ABLIM2: variants seen among roughly 807,000 people sequenced by gnomAD.
ABLIM2 encodes actin-binding LIM protein 2.
ABLIM2 carries 53 observed loss-of-function variants against 97.7 expected under a neutral mutation model. That is an observed-to-expected ratio of 0.54 (90% confidence interval 0.44 to 0.68). The LOEUF is 0.68. Among genes scored for constraint, ABLIM2 ranks in the 30% least tolerant of loss-of-function variants. ABLIM2 has a pLI of 0.00. For synonymous variants in ABLIM2, 361 were observed against 345.8 expected, an observed-to-expected ratio of 1.04 and a Z score of -0.49; for missense variants, 835 against 867.2, an observed-to-expected ratio of 0.96 and a Z score of 0.47.
rs924838594 is a variant in ABLIM2 at position 8,087,053 on chromosome 4, G to T, written c.454+1116C>A. Among the ~76,000 whole-genome samples the T allele has an allele frequency of 1.3e-5, 2 of 152,172 alleles. No homozygotes were observed. The highest frequency in any genetic ancestry group is 4.8e-5 in the African/African-American group (2 of 41,438). On this transcript the variant is annotated intron_variant, in intron 4 of 20. Coordinates refer to ENST00000447017, the MANE Select transcript of ABLIM2 (RefSeq NM_001130083.2). This position sits in a 1 kb window ranked among gnomAD's most constrained non-coding sequence, Gnocchi z 4.6. ...CTGGAAGTGGAATCGCCTCTGTAGA[G>T]ACTCTCAACGCAGCAGACAAGGTGG...
chr4:7,977,319 C>G (rs1734286527), intron 20 of ABLIM2, among the ~76,000 whole-genome samples: 1 of 151,930 alleles, frequency 6.6e-6, no homozygotes, highest in Non-Finnish European at 1.5e-5. Context: ...AATACCCAGT[C>G]TCGGGTATTT....
intron 1 of ABLIM2, among the ~76,000 whole-genome samples, chr4:8,156,992 C>A (rs759088705): frequency 6.6e-6 from 1 of 152,184 alleles, no homozygotes; most frequent in Non-Finnish European, 1.5e-5. Context: ...AGCTGGCCAC[C>A]CAGCAATGAC....
chr4:8,048,300 C>T (rs1212695542), intron 8 of ABLIM2, among the ~76,000 whole-genome samples: 2 of 152,240 alleles, frequency 1.3e-5, no homozygotes, highest in Non-Finnish European at 2.9e-5. Context: ...TCCATATGTT[C>T]TCCCAGGCCC....
intron 14 of ABLIM2, among the ~76,000 whole-genome samples, chr4:8,013,598 C>T (rs1190982983): frequency 4.6e-5 from 7 of 152,164 alleles, no homozygotes; most frequent in South Asian, 2.1e-4. Flanking sequence ...ATGAGGAGAC[C>T]GAGGTCCGGA....
chr4:7,990,147 C>T (rs913942476), intron 17 of ABLIM2, among the ~76,000 whole-genome samples: 1 of 152,182 alleles, frequency 6.6e-6, no homozygotes, highest in African/African-American at 2.4e-5. Context: ...ATGATTGCCT[C>T]TATGCCTTGG....
At chr4:8,158,388 AC>A (rs1045470434) in intron 1 of ABLIM2, among the ~76,000 whole-genome samples, 5 of 151,666 alleles carry the variant, frequency 3.3e-5, no homozygotes, top group Non-Finnish European at 5.9e-5. Context: ...AACAACCCGG[AC>A]CCCCGTGAGA....
chr4:8,121,244 A>T lies in ABLIM2; in HGVS notation c.11-14607T>A, dbSNP rs1408714144. 9.9e-5 allele frequency among the ~76,000 whole-genome samples: 15 copies of T among 152,208 alleles called. 1 individual carries two copies. Among genetic ancestry groups the T allele is most frequent in the Admixed American group, 9.2e-4 (14 of 15,280 alleles). On this transcript the variant is annotated intron_variant, in intron 1 of 20. Coordinates refer to ENST00000447017, the MANE Select transcript of ABLIM2 (RefSeq NM_001130083.2). Reference sequence around the variant, plus strand: ...GCTGGCAGGAGTTTGTGTGAGTGTCAGGTGGGGGCTTCCTTCCAGGGGCAG... The same window carrying T: ...GCTGGCAGGAGTTTGTGTGAGTGTCTGGTGGGGGCTTCCTTCCAGGGGCAG...
chr4:8,100,438 G>A (rs1418018919), intron 2 of ABLIM2, among the ~76,000 whole-genome samples: 1 of 152,114 alleles, frequency 6.6e-6, no homozygotes, highest in Non-Finnish European at 1.5e-5. Context: ...ATCTTGCATG[G>A]TGGCTGTAAG....
At chr4:7,993,464 A>G (rs1317925935) in intron 16 of ABLIM2, among the ~76,000 whole-genome samples, 1 of 152,162 alleles carries the variant, frequency 6.6e-6, no homozygotes. Flanking sequence ...TGGGAAAATC[A>G]CTTGAGGCCA....
At chr4:8,131,730 CCGCA>C (rs1849429685) in intron 1 of ABLIM2, among the ~76,000 whole-genome samples, 5 of 94,760 alleles carry the variant, frequency 5.3e-5, no homozygotes, top group Admixed American at 3.9e-4. Flanking sequence ...GCACAGCAGC[CCGCA>C]TCCCCAGCAC....
chr4:8,101,585 T>C (rs566555010), intron 2 of ABLIM2, among the ~76,000 whole-genome samples: 52 of 152,322 alleles, frequency 3.4e-4, no homozygotes, highest in African/African-American at 1.2e-3. Flanking sequence ...CTGCCTTACA[T>C]GCGCAGCTCA....
chr4:8,051,274 C>T (rs150039080), intron 8 of ABLIM2, among the ~76,000 whole-genome samples: 46 of 152,220 alleles, frequency 3.0e-4, no homozygotes, highest in African/African-American at 9.6e-4. Context: ...AGGGGCCGGG[C>T]GTGGTAGCTC....
chr4:8,157,904 C>CT, intron 1 of ABLIM2, among the ~76,000 whole-genome samples: 1 of 152,276 alleles, frequency 6.6e-6, no homozygotes, highest in Admixed American at 6.5e-5. Flanking sequence ...CCGGTGCGGG[C>CT]CCCAGGAGGC....
At chr4:8,096,451 C>G (rs12501747) in intron 3 of ABLIM2, among the ~76,000 whole-genome samples, 1 of 152,098 alleles carries the variant, frequency 6.6e-6, no homozygotes, top group South Asian at 2.1e-4. Context: ...GGTCACGCTA[C>G]GATGACACAG....
chr4:8,075,408 A>G lies in ABLIM2; in HGVS notation c.675+2220T>C, dbSNP rs1815372585. 6.6e-6 allele frequency among the ~76,000 whole-genome samples: 1 copy of G among 152,132 alleles called. No homozygotes were observed. Among genetic ancestry groups the G allele is most frequent in the Non-Finnish European group, 1.5e-5 (1 of 68,032 alleles). On this transcript the variant is annotated intron_variant, in intron 6 of 20. Transcript: ENST00000447017. The surrounding 1 kb of genome is among the most constrained non-coding windows in gnomAD (Gnocchi z 4.4). ...GGTTATTGATAAAGAAAACCATTGA[A>G]TGGGCTGGGTATGGTGACTCACACC...
Position 8,147,495 on chromosome 4 carries a change from G to C in ABLIM2, c.10+11185C>G, listed in dbSNP as rs1852008060. On this transcript the variant is annotated intron_variant, in intron 1 of 20. Coordinates refer to ENST00000447017, the MANE Select transcript of ABLIM2 (RefSeq NM_001130083.2). This position sits in a 1 kb window ranked among gnomAD's most constrained non-coding sequence, Gnocchi z 5.3. Reference sequence around the variant, plus strand: ...ATAAAGCGTCTAGAGACTGGGAGATGATTCTGGATGCTATGGGCGGGCTCT... The same window carrying C: ...ATAAAGCGTCTAGAGACTGGGAGATCATTCTGGATGCTATGGGCGGGCTCT... 6.6e-6 allele frequency among the ~76,000 whole-genome samples: 1 copy of C among 152,206 alleles called. No homozygotes were observed. Among genetic ancestry groups the C allele is most frequent in the Non-Finnish European group, 1.5e-5 (1 of 68,046 alleles).
intron 1 of ABLIM2, among the ~76,000 whole-genome samples, chr4:8,144,387 G>A (rs934477331): frequency 2.6e-5 from 4 of 152,224 alleles, no homozygotes; most frequent in Admixed American, 6.5e-5. Context: ...TGCCCCTTAT[G>A]CCCCAGGGCC....
At chr4:8,115,036 C>T (rs761738548) in intron 1 of ABLIM2, among the ~76,000 whole-genome samples, 4 of 152,232 alleles carry the variant, frequency 2.6e-5, no homozygotes, top group Non-Finnish European at 4.4e-5. Flanking sequence ...GAGTCCTTGA[C>T]CTGCCCATGG....
intron 20 of ABLIM2, among the ~76,000 whole-genome samples, chr4:7,982,899 C>T (rs1481162602): frequency 6.6e-6 from 1 of 152,154 alleles, no homozygotes; most frequent in East Asian, 1.9e-4. Flanking sequence ...AGAGGGGTTT[C>T]ACCATGTTGG....
Sources: gnomAD v4.1 joint callset for allele counts (sites outside exome capture counted in the v4.1 genomes callset) on GRCh38, gnomAD v4.1.1 for gene constraint, Gnocchi (gnomAD v3.1) non-coding constraint, MANE v1.5 for transcripts, NCBI Gene and HGNC (gene_info 2026-07-23, HGNC 2026-07-21) for gene names.